Variants in ASAP1 observed in about 807,000 individuals in gnomAD.
ASAP1 encodes the protein arf-GAP with SH3 domain, ANK repeat and PH domain-containing protein 1.
ASAP1 carries 43 observed loss-of-function variants against 145.2 expected under a neutral mutation model. That is an observed-to-expected ratio of 0.30 (90% confidence interval 0.23 to 0.38). The LOEUF (loss-of-function observed/expected upper bound fraction) is 0.38. ASAP1 is among the 10% of genes least tolerant of loss of function. The pLI is 1.00. For synonymous variants in ASAP1, 546 were observed against 515.5 expected, an observed-to-expected ratio of 1.06 and a Z score of -0.80; for missense variants, 1,018 against 1,355.3, an observed-to-expected ratio of 0.75 and a Z score of 3.91.
chr8:130,409,727 A>G (rs1391290577), intron 1 of ASAP1, among the ~76,000 whole-genome samples: 1 of 152,178 alleles, frequency 6.6e-6, no homozygotes. Flanking sequence ...AATGATAACA[A>G]TCAAAGATGG....
intron 3 of ASAP1, among the ~76,000 whole-genome samples, chr8:130,253,144 T>C (rs1420951043): frequency 6.6e-6 from 1 of 152,184 alleles, no homozygotes; most frequent in African/African-American, 2.4e-5. Context: ...AACTAGATGC[T>C]GGAATTTAAA....
At chr8:130,186,505 T>A (rs1020547980) in intron 7 of ASAP1, among the ~76,000 whole-genome samples, 2 of 152,060 alleles carry the variant, frequency 1.3e-5, no homozygotes, top group Non-Finnish European at 1.5e-5. Context: ...TACAAATGTC[T>A]CAGGGTAATA....
At chr8:130,176,698 TTTTTC>T (rs1565053387) in intron 9 of ASAP1, among the ~76,000 whole-genome samples, 1 of 151,912 alleles carries the variant, frequency 6.6e-6, no homozygotes, top group Non-Finnish European at 1.5e-5. Context: ...GTTTTTTTTT[TTTTTC>T]TTTTGAGACA....
At chr8:130,169,219 C>T in intron 9 of ASAP1, 152 bp from the exon 10 acceptor site, 1 of 448,886 alleles carries the variant, frequency 2.2e-6, no homozygotes, top group Non-Finnish European at 4.0e-6. Context: ...ATGGATTTAT[C>T]TATACAAGAC....
At chr8:130,350,535 CAGA>C (rs1215548017) in intron 3 of ASAP1, among the ~76,000 whole-genome samples, 4 of 152,206 alleles carry the variant, frequency 2.6e-5, no homozygotes, top group African/African-American at 9.7e-5. Context: ...ATCTGATCAG[CAGA>C]AGATGATTCG....
chr8:130,355,507 A>G (rs1191711500), intron 3 of ASAP1, among the ~76,000 whole-genome samples: 1 of 152,196 alleles, frequency 6.6e-6, no homozygotes, highest in Admixed American at 6.5e-5. Context: ...AAAGTACCCA[A>G]AAGTTCTCTT....
At chr8:130,208,076 T>G (rs953699659) in intron 5 of ASAP1, among the ~76,000 whole-genome samples, 2 of 152,194 alleles carry the variant, frequency 1.3e-5, no homozygotes, top group African/African-American at 4.8e-5. Context: ...AGGTTATACT[T>G]TTATTTAAAC....
intron 2 of ASAP1, among the ~76,000 whole-genome samples, chr8:130,383,609 G>A (rs1341586446): frequency 3.3e-5 from 5 of 152,190 alleles, no homozygotes; most frequent in Non-Finnish European, 7.3e-5. Flanking sequence ...GAGGAAACGA[G>A]GGTCACAGGG....
At chr8:130,266,060 G>A (rs1282805538) in intron 3 of ASAP1, among the ~76,000 whole-genome samples, 1 of 152,140 alleles carries the variant, frequency 6.6e-6, no homozygotes. Context: ...TGCAGAGACA[G>A]CAAAAAATGA....
chr8:130,344,378 G>A (rs1825575648), intron 3 of ASAP1, among the ~76,000 whole-genome samples: 1 of 151,874 alleles, frequency 6.6e-6, no homozygotes, highest in African/African-American at 2.4e-5. Context: ...TATGGTTCAG[G>A]TTTATTTTTT....
At chr8:130,085,522 C>T (rs2097490663) in intron 25 of ASAP1, among the ~76,000 whole-genome samples, 1 of 151,978 alleles carries the variant, frequency 6.6e-6, no homozygotes, top group Non-Finnish European at 1.5e-5. Flanking sequence ...ATCACCTGAG[C>T]CCAGGAGTTC....
At chr8:130,414,657 A>G (rs1451556811) in intron 1 of ASAP1, among the ~76,000 whole-genome samples, 1 of 152,182 alleles carries the variant, frequency 6.6e-6, no homozygotes, top group African/African-American at 2.4e-5. Flanking sequence ...TTGCAAATGT[A>G]TCAGCCAAAG....
In ASAP1 at chr8:130,293,041, C is replaced by T. The variant is rs569176849; in HGVS notation, c.187-56047G>A. Among the ~76,000 whole-genome samples, 51 of 152,340 alleles carry T rather than the reference C, an allele frequency of 3.3e-4. 1 individual carries two copies. In the South Asian group the frequency reaches 0.011, roughly 32 times the overall value. On this transcript the variant is annotated intron_variant, in intron 3 of 29. Coordinates refer to ENST00000518721, the MANE Select transcript of ASAP1 (RefSeq NM_018482.4). ...AAGTATTAAACAGTGAGAAAATCAG[C>T]CCTAATTGGCAGCCCTGCTTAACGA...
chr8:130,071,343 C>T (rs942763317), intron 27 of ASAP1, among the ~76,000 whole-genome samples: 18 of 152,284 alleles, frequency 1.2e-4, no homozygotes, highest in African/African-American at 4.3e-4. Context: ...TGTCAAAATT[C>T]CTGAGGGCAT....
At chr8:130,136,909 A>G (rs1384388406) in intron 14 of ASAP1, 42 bp downstream of exon 14, 1 of 1,538,168 alleles carries the variant, frequency 6.5e-7, no homozygotes, top group South Asian at 1.1e-5. Context: ...TGCAGGTGTC[A>G]GAAGCCACAA....
At chr8:130,426,791 C>T (rs1213037984) in intron 1 of ASAP1, among the ~76,000 whole-genome samples, 2 of 152,154 alleles carry the variant, frequency 1.3e-5, no homozygotes, top group Non-Finnish European at 2.9e-5. Flanking sequence ...AATGCACACC[C>T]TCCCCAGCAT....
chr8:130,248,753 A>G (rs1053661703), intron 3 of ASAP1, among the ~76,000 whole-genome samples: 1 of 152,106 alleles, frequency 6.6e-6, no homozygotes, highest in African/African-American at 2.4e-5. Flanking sequence ...CTCTGGGACC[A>G]CACCCCAAAC....
At chr8:130,386,136 C>T (rs994975440) in intron 2 of ASAP1, among the ~76,000 whole-genome samples, 31 of 152,164 alleles carry the variant, frequency 2.0e-4, no homozygotes, top group Non-Finnish European at 1.3e-4. Flanking sequence ...TTCTGGAAAC[C>T]ATACTTGGAG....
intron 11 of ASAP1, among the ~76,000 whole-genome samples, chr8:130,166,595 A>T (rs544723625): frequency 6.6e-6 from 1 of 152,122 alleles, no homozygotes; most frequent in South Asian, 2.1e-4. Flanking sequence ...TGTATCTCTA[A>T]TAGTATCCAT....
Sources: allele counts gnomAD v4.1 joint callset (sites outside exome capture counted in the v4.1 genomes callset), GRCh38; gene constraint gnomAD v4.1.1; transcripts MANE v1.5; gene names NCBI Gene and HGNC (gene_info 2026-07-23, HGNC 2026-07-21).